The following ZNF292 variants were observed in gnomAD, a reference collection of about 807,000 sequenced individuals.
ZNF292 encodes the protein 16 zinc-finger domain protein.
ZNF292 carries 26 observed loss-of-function variants against 217.9 expected under a neutral mutation model. The observed-to-expected ratio is 0.12, with a 90% CI of 0.09 to 0.17. ZNF292 has a LOEUF of 0.17. ZNF292 is among the 10% of genes least tolerant of loss of function. ZNF292 has a pLI of 1.00. For synonymous variants in ZNF292, 1,257 were observed against 1,124.1 expected, an observed-to-expected ratio of 1.12 and a Z score of -2.37; for missense variants, 2,904 against 3,175.2, an observed-to-expected ratio of 0.91 and a Z score of 2.05.
chr6:87,216,555 A>G (rs1025211520), intron 3 of ZNF292, among the ~76,000 whole-genome samples, 178 bp downstream of exon 3: 1 of 151,964 alleles, frequency 6.6e-6, no homozygotes, highest in African/African-American at 2.4e-5. Flanking sequence ...TGCTAAATGT[A>G]TATATACATT....
At position 87,256,550 on chromosome 6, in the gene ZNF292, T is replaced by A; in HGVS notation, c.2921T>A (p.Val974Asp). ...EALVTDLHTP[V>D]EDTCNDLCHP... Reference sequence around the variant, plus strand: ...CTGGTCACAGACTTACATACGCCAGTTGAAGATACTTGTAATGATTTGTGT... The same window carrying A: ...CTGGTCACAGACTTACATACGCCAGATGAAGATACTTGTAATGATTTGTGT... Residue 974 changes from valine to aspartate, a missense_variant, in exon 8 of 8, where the codon GTT becomes GAT. By Grantham distance (152) the Val-to-Asp change is radical. Around this residue, in one of 15 missense-constraint regions of ZNF292, gnomAD observed 687 missense variants for 623.0 expected, o/e 1.10. Transcript: ENST00000369577. 1 of 1,613,468 alleles carries A rather than the reference T, an allele frequency of 6.2e-7. No individual in the cohort carries two copies. The highest frequency in any genetic ancestry group is 8.5e-7 in the Non-Finnish European group (1 of 1,179,806).
At chr6:87,239,561 T>A (rs1017553391) in intron 5 of ZNF292, among the ~76,000 whole-genome samples, 13 of 111,958 alleles carry the variant, frequency 1.2e-4, no homozygotes, top group Non-Finnish European at 2.2e-4. Context: ...ACAGGGCGGC[T>A]GCCGGGCGGA....
At chr6:87,242,250 A>G (rs1358394328) in intron 5 of ZNF292, among the ~76,000 whole-genome samples, 1 of 152,218 alleles carries the variant, frequency 6.6e-6, no homozygotes, top group Non-Finnish European at 1.5e-5. Flanking sequence ...ACCAGGTAGC[A>G]TAAGACTAGA....
intron 1 of ZNF292, among the ~76,000 whole-genome samples, chr6:87,164,894 G>T (rs1770865639): frequency 6.6e-6 from 1 of 151,296 alleles, no homozygotes; most frequent in African/African-American, 2.4e-5. Context: ...TCCCAAGTAG[G>T]TGGGACTACA....
intron 1 of ZNF292, among the ~76,000 whole-genome samples, chr6:87,163,247 C>G (rs916860955): frequency 2.6e-5 from 4 of 152,048 alleles, no homozygotes; most frequent in Non-Finnish European, 5.9e-5. Context: ...GTCAGGAGAG[C>G]GAGACCATCC....
intron 4 of ZNF292, among the ~76,000 whole-genome samples, chr6:87,231,065 T>G (rs985129889): frequency 1.3e-4 from 20 of 152,130 alleles, no homozygotes; most frequent in African/African-American, 4.6e-4. Flanking sequence ...TGTTGCAATA[T>G]TGTAACATTA....
At position 87,261,426 on chromosome 6, in the gene ZNF292, TGAG is replaced by T; in HGVS notation, c.7801_7803del (p.Glu2601del). ...TTGAAGTATCATTTCTGAAGTTTCT[TGAG>T]GAGTCTGCAGTGAAGCAGAAGAAAA... is the stretch of plus-strand genomic sequence containing the variant. On this transcript the variant is annotated inframe_deletion, in exon 8 of 8. Coordinates refer to ENST00000369577, the MANE Select transcript of ZNF292 (RefSeq NM_015021.3). The T allele has an allele frequency of 3.1e-6, 5 of 1,609,868 alleles. No homozygotes were observed. The highest frequency in any genetic ancestry group is 4.2e-6 in the Non-Finnish European group (5 of 1,177,826).
In ZNF292 at chr6:87,256,936, G is replaced by A; in HGVS notation, c.3307G>A (p.Glu1103Lys). ...APVQKFSCQV[E>K]GCTRTYNSSQ... The stretch of plus-strand genomic sequence containing the variant: ...AGTTCAGAAATTCAGCTGCCAGGTC[G>A]AGGGATGTACTCGAACCTATAATTC... The change falls in exon 8 of 8, where the codon GAG (glutamate) becomes AAG (lysine). Residue 1103 changes from glutamate to lysine, a missense_variant. Coordinates refer to ENST00000369577, the MANE Select transcript of ZNF292 (RefSeq NM_015021.3). 3 of 1,613,772 alleles carry A rather than the reference G, an allele frequency of 1.9e-6. No homozygotes were observed. Among genetic ancestry groups the A allele is most frequent in the Non-Finnish European group, 2.5e-6 (3 of 1,179,818 alleles).
intron 1 of ZNF292, among the ~76,000 whole-genome samples, chr6:87,187,265 A>T (rs571328728): frequency 1.3e-5 from 2 of 152,148 alleles, no homozygotes; most frequent in Non-Finnish European, 2.9e-5. Flanking sequence ...TTTAAAAGAA[A>T]ATCTTGTTCA....
At chr6:87,201,238 A>T (rs1772090900) in intron 1 of ZNF292, among the ~76,000 whole-genome samples, 1 of 152,108 alleles carries the variant, frequency 6.6e-6, no homozygotes, top group African/African-American at 2.4e-5. Flanking sequence ...GTAGCCTTTT[A>T]TTTGATTTTC....
chr6:87,222,135 T>C (rs1258233103), intron 4 of ZNF292, among the ~76,000 whole-genome samples: 1 of 152,170 alleles, frequency 6.6e-6, no homozygotes, highest in East Asian at 1.9e-4. Flanking sequence ...AGATTCTTTT[T>C]AATCCTGATT....
At chr6:87,215,599 T>TTTTA (rs1772713650) in intron 1 of ZNF292, among the ~76,000 whole-genome samples, 1 of 152,144 alleles carries the variant, frequency 6.6e-6, no homozygotes, top group Non-Finnish European at 1.5e-5. Context: ...TCAGATGTCT[T>TTTTA]TTTAAAATAA....
chr6:87,162,865 A>G (rs1237903190), intron 1 of ZNF292, among the ~76,000 whole-genome samples: 1 of 152,238 alleles, frequency 6.6e-6, no homozygotes, highest in African/African-American at 2.4e-5. Flanking sequence ...CAACTCCTAC[A>G]GATAAATTCA....
chr6:87,165,927 T>A (rs1032857552), intron 1 of ZNF292, among the ~76,000 whole-genome samples: 3 of 152,034 alleles, frequency 2.0e-5, no homozygotes, highest in African/African-American at 7.2e-5. Flanking sequence ...CTGGCTAGTT[T>A]TTGTATTTTT....
chr6:87,193,578 T>C (rs937371570), intron 1 of ZNF292, among the ~76,000 whole-genome samples: 2 of 151,850 alleles, frequency 1.3e-5, no homozygotes, highest in Non-Finnish European at 2.9e-5. Context: ...CACAGTTTAT[T>C]CAGTGTCCCC....
At chr6:87,243,002 C>G (rs1774377271) in intron 5 of ZNF292, among the ~76,000 whole-genome samples, 1 of 152,070 alleles carries the variant, frequency 6.6e-6, no homozygotes, top group Non-Finnish European at 1.5e-5. Context: ...ATTTTTCCCT[C>G]ATGAATAGAT....
chr6:87,216,136 C>T, intron 2 of ZNF292, 79 bp downstream of exon 2: 1 of 723,102 alleles, frequency 1.4e-6, no homozygotes. Flanking sequence ...CACACACACA[C>T]ACACACACAC....
chr6:87,231,065 T>C (rs985129889), intron 4 of ZNF292, among the ~76,000 whole-genome samples: 3 of 152,130 alleles, frequency 2.0e-5, no homozygotes, highest in Non-Finnish European at 1.5e-5. Context: ...TGTTGCAATA[T>C]TGTAACATTA....
At chr6:87,174,743 C>T (rs1771226865) in intron 1 of ZNF292, among the ~76,000 whole-genome samples, 1 of 151,940 alleles carries the variant, frequency 6.6e-6, no homozygotes, top group African/African-American at 2.4e-5. Context: ...TTTTTGGTAC[C>T]TAAGATTTTA....
Sources: allele counts gnomAD v4.1 joint callset (sites outside exome capture counted in the v4.1 genomes callset), GRCh38; gene constraint gnomAD v4.1.1; regional missense constraint gnomAD v4.1.1; transcripts MANE v1.5; gene names NCBI Gene and HGNC (gene_info 2026-07-23, HGNC 2026-07-21).